The following SF3A3 variants were observed in gnomAD, a reference collection of about 807,000 sequenced individuals.
The protein encoded by SF3A3 is SAP 61.
A neutral mutation model predicts 85.8 loss-of-function variants in SF3A3; 9 were observed. That is an observed-to-expected ratio of 0.10 (90% CI 0.06 to 0.18). The LOEUF is 0.18. Ranked by LOEUF, SF3A3 falls within the 10% of genes least tolerant of loss-of-function variation. The pLI is 1.00. For synonymous variants in SF3A3, 195 were observed against 204.4 expected (o/e 0.95, Z 0.39); for missense variants, 306 against 593.3 (o/e 0.52, Z 5.03).
In SF3A3 at chr1:37,969,744, G is replaced by A; in HGVS notation, c.1006-9C>T. ...GTGAGATGTCGCTGTTCCTAAAGCA[G>A]GTCCATAAATGAAAAGTCAGAAAAA... On this transcript the variant is annotated splice_polypyrimidine_tract_variant and intron_variant, in intron 12 of 16. Transcript: ENST00000373019. The A allele has an allele frequency of 1.2e-6, 2 of 1,607,858 alleles. No individual in the cohort carries two copies. Among genetic ancestry groups the A allele is most frequent in the Non-Finnish European group, 1.7e-6 (2 of 1,175,990 alleles).
At chr1:37,959,982 A>T in intron 16 of SF3A3, 138 bp downstream of exon 16, 1 of 619,822 alleles carries the variant, frequency 1.6e-6, no homozygotes, top group Non-Finnish European at 2.8e-6. Flanking sequence ...AAAAAAAGGA[A>T]AAGTCAATTT....
chr1:37,962,957 G>A (rs907088023), intron 15 of SF3A3, among the ~76,000 whole-genome samples: 4 of 151,518 alleles, frequency 2.6e-5, no homozygotes, highest in Admixed American at 6.6e-5. Flanking sequence ...GCATGCTGGC[G>A]TGCACCTGTA....
intron 6 of SF3A3, among the ~76,000 whole-genome samples, chr1:37,983,041 C>T (rs973086235): frequency 1.3e-5 from 2 of 151,718 alleles, no homozygotes; most frequent in Non-Finnish European, 2.9e-5. Flanking sequence ...TGGGTTCAAG[C>T]GATTCTCCTG....
At chr1:37,960,605 A>G (rs1188492970) in intron 15 of SF3A3, 1 of 160,262 alleles carries the variant, frequency 6.2e-6, no homozygotes, top group African/African-American at 2.4e-5. Context: ...GAGTGATCAG[A>G]CAAGTATACA....
rs755676175 is a variant in SF3A3, at chr1:37,978,990, G to A, written c.825C>T (p.Gly275=). Residue 275 remains glycine, a splice_region_variant and synonymous_variant, in exon 10 of 17, where the codon GGC becomes GGT. Transcript: ENST00000373019. ...SALLALGLKC[G]GTLEERAQRL... is the part of the protein sequence containing the mutation. ...TTGATAGAAAAACTATTCCTTACCC[G>A]CCACATTTCAAGCCTAAAGCTAAGA... 6.2e-7 allele frequency: 1 copy of A among 1,612,872 alleles called. No individual in the cohort carries two copies. The highest frequency in any genetic ancestry group is 8.5e-7 in the Non-Finnish European group (1 of 1,178,864).
chr1:37,960,400 T>A lies in SF3A3; in HGVS notation c.1373-225A>T. The A allele has an allele frequency of 6.0e-6, 3 of 503,748 alleles. No homozygotes were observed. The South Asian group carries it at 1.0e-4, about 17-fold the overall frequency. 31.2% of individuals were successfully genotyped at this position (503,748 alleles called of 1,614,324 possible). ...GCTTTGCTATAAAAGTTGGATCAAA[T>A]ATAACCAAAGACCTCCGAAAACAGA... On this transcript the variant is annotated intron_variant, in intron 15 of 16. Transcript: ENST00000373019.
intron 7 of SF3A3, among the ~76,000 whole-genome samples, chr1:37,981,144 C>T (rs1267154097): frequency 3.9e-5 from 6 of 151,966 alleles, no homozygotes; most frequent in East Asian, 3.9e-4. Flanking sequence ...CCACCGCGCC[C>T]GGCCAATACT....
At chr1:37,978,516 CTCAA>C (rs1321155744) in intron 11 of SF3A3, among the ~76,000 whole-genome samples, 200 bp downstream of exon 11, 3 of 152,038 alleles carry the variant, frequency 2.0e-5, no homozygotes, top group African/African-American at 7.3e-5. Context: ...TTGATGTGCT[CTCAA>C]TCAGATGAAT....
chr1:37,964,172 C>T (rs1301340336), intron 15 of SF3A3, among the ~76,000 whole-genome samples: 6 of 151,874 alleles, frequency 4.0e-5, no homozygotes, highest in Non-Finnish European at 5.9e-5. Flanking sequence ...TGCGAGACTC[C>T]GTCTCAAATA....
intron 6 of SF3A3, among the ~76,000 whole-genome samples, chr1:37,983,586 C>CAAAAGAAAAAAAAAA (rs1646435192): frequency 2.6e-5 from 1 of 38,490 alleles, no homozygotes; most frequent in Non-Finnish European, 3.9e-5. Context: ...GACCCTGTCT[C>CAAAAGAAAAAAAAAA]AAAAAAAAAA....
At position 37,957,518 on chromosome 1, in the gene SF3A3, T is replaced by TC. The variant is rs1295833347; in HGVS notation, c.*667_*668insG. ...ACAGTGCGTGCCACCATGCCTTTTT[T>TC]TTTTTTTTAATGAGACAGGGTCTCA... On this transcript the variant is annotated 3_prime_UTR_variant, in exon 17 of 17. Transcript: ENST00000373019. The TC allele has an allele frequency of 6.7e-6, 1 of 149,818 alleles. No individual in the cohort carries two copies. The highest frequency in any genetic ancestry group is 2.0e-4 in the East Asian group (1 of 5,112). The allele number at this position is 149,818 out of a possible 1,614,324, so 9.3% of individuals were successfully genotyped here.
rs773775395 is a variant in SF3A3, at chr1:37,984,785, G to C, written c.304-6C>G. 9 of 1,612,242 alleles carry C rather than the reference G, an allele frequency of 5.6e-6. No individual in the cohort carries two copies. Among genetic ancestry groups the C allele is most frequent in the Non-Finnish European group, 7.6e-6 (9 of 1,178,462 alleles). ...ACTGACATTGGCACACAGATCTGAG[G>C]GGAAAAGTAAAAGCTCAGGTGGATT... On this transcript the variant is annotated splice_polypyrimidine_tract_variant and splice_region_variant and intron_variant, in intron 4 of 16. Coordinates refer to ENST00000373019, the MANE Select transcript of SF3A3 (RefSeq NM_006802.4).
intron 6 of SF3A3, among the ~76,000 whole-genome samples, 187 bp from the exon 7 acceptor site, chr1:37,981,998 T>C (rs566011076): frequency 6.6e-6 from 1 of 151,272 alleles, no homozygotes; most frequent in East Asian, 1.9e-4. Flanking sequence ...TTAATTTCAC[T>C]GGACTGAAGG....
intron 15 of SF3A3, among the ~76,000 whole-genome samples, chr1:37,962,446 ATGCAAAATTAACTGGGCATGGTGG>A (rs1210113178): frequency 6.6e-6 from 1 of 151,588 alleles, no homozygotes; most frequent in Admixed American, 6.6e-5. Context: ...TCTAATAAAA[ATGCAAAATTAACTGGGCATGGTGG>A]TGCATGCCTG....
At chr1:37,959,190 T>G (rs1646240360) in intron 16 of SF3A3, among the ~76,000 whole-genome samples, 1 of 151,352 alleles carries the variant, frequency 6.6e-6, no homozygotes, top group Non-Finnish European at 1.5e-5. Context: ...GCAATCCTCC[T>G]GCTTCAGCCT....
rs1416455187 is a variant in SF3A3, at chr1:37,978,676, A to G, written c.935+44T>C. 8 of 1,273,718 alleles carry G rather than the reference A, an allele frequency of 6.3e-6. No homozygotes were observed. In the Admixed American group the frequency reaches 9.1e-5, roughly 15 times the overall value. 78.9% of individuals were successfully genotyped at this position (1,273,718 alleles called of 1,614,324 possible). Reference sequence around the variant, plus strand: ...GTGGTTAAAAATTCTGCATGGGAATAACATTTAAAAGCCACAAGCAGCAGT... The same window carrying G: ...GTGGTTAAAAATTCTGCATGGGAATGACATTTAAAAGCCACAAGCAGCAGT... On this transcript the variant is annotated intron_variant, in intron 11 of 16. Transcript: ENST00000373019.
chr1:37,970,149 T>C (rs1646328398), intron 12 of SF3A3, among the ~76,000 whole-genome samples: 1 of 151,708 alleles, frequency 6.6e-6, no homozygotes, highest in Non-Finnish European at 1.5e-5. Context: ...TACAAAACAT[T>C]TACAAATTGG....
chr1:37,958,120 G>A lies in SF3A3; in HGVS notation c.*66C>T. Reference sequence around the variant, plus strand: ...GGTCTTTAAGAGGATTTGGTTGGGAGAAATAGAAAAAGCAGATCTTAGGGA... The same window carrying A: ...GGTCTTTAAGAGGATTTGGTTGGGAAAAATAGAAAAAGCAGATCTTAGGGA... On this transcript the variant is annotated 3_prime_UTR_variant, in exon 17 of 17. Transcript: ENST00000373019. The A allele has an allele frequency of 1.9e-6, 2 of 1,054,248 alleles. No homozygotes were observed. The highest frequency in any genetic ancestry group is 4.7e-5 in the East Asian group (2 of 42,284). The allele number at this position is 1,054,248 out of a possible 1,614,324, so 65.3% of individuals were successfully genotyped here. A position where few individuals can be genotyped will look rare whatever the true frequency, so the allele number is the denominator to read the frequency against.
In SF3A3 at chr1:37,975,392, T is replaced by C. The variant is rs139308815; in HGVS notation, c.1005+1492A>G. ...TTAGCCAGGTGTGGTGGCACACACCTGTAGTCCCAGCTACCAGGGAGGCTG... is the reference window on the plus strand; with the variant it reads ...TTAGCCAGGTGTGGTGGCACACACCCGTAGTCCCAGCTACCAGGGAGGCTG... On this transcript the variant is annotated intron_variant, in intron 12 of 16. Transcript: ENST00000373019. 9.9e-5 allele frequency among the ~76,000 whole-genome samples: 15 copies of C among 152,246 alleles called. No individual in the cohort carries two copies. The East Asian group carries it at 2.7e-3, about 27-fold the overall frequency.
Sources: gnomAD v4.1 joint callset for allele counts (sites outside exome capture counted in the v4.1 genomes callset) on GRCh38, gnomAD v4.1.1 for gene constraint, MANE v1.5 for transcripts, NCBI Gene and HGNC (gene_info 2026-07-23, HGNC 2026-07-21) for gene names.